BNC2: variants seen among roughly 807,000 people sequenced by gnomAD.
BNC2 encodes the protein zinc finger protein basonuclin-2.
BNC2 carries 20 observed loss-of-function variants against 76.3 expected under a neutral mutation model. The ratio of observed to expected loss-of-function variants is 0.26; its 90% CI spans 0.18 to 0.38. The LOEUF (loss-of-function observed/expected upper bound fraction) is 0.38, where lower values mean the gene tolerates loss of function less well. Ranked by LOEUF, BNC2 falls within the 10% of genes least tolerant of loss-of-function variation. The pLI is 1.00. For missense variants in BNC2, 1,382 were observed against 1,399.8 expected (o/e 0.99, Z 0.20); for synonymous variants, 582 against 514.8 (o/e 1.13, Z -1.77).
At chr9:16,427,668 G>C (rs1820828064) in intron 6 of BNC2, among the ~76,000 whole-genome samples, 1 of 152,122 alleles carries the variant, frequency 6.6e-6, no homozygotes, top group Non-Finnish European at 1.5e-5. Flanking sequence ...GGAGAGTGTT[G>C]GGTTCAAAAT....
intron 1 of BNC2, among the ~76,000 whole-genome samples, chr9:16,823,499 A>G (rs1288277030): frequency 6.6e-6 from 1 of 151,632 alleles, no homozygotes; most frequent in East Asian, 1.9e-4. Context: ...GCTACCTGAG[A>G]GGCTGAGATA....
At chr9:16,714,664 G>A (rs1823947200) in intron 3 of BNC2, among the ~76,000 whole-genome samples, 1 of 152,138 alleles carries the variant, frequency 6.6e-6, no homozygotes, top group South Asian at 2.1e-4. Flanking sequence ...TTCTGACACT[G>A]TTCAGTGATG....
chr9:16,866,411 A>G (rs1400787565), intron 1 of BNC2, among the ~76,000 whole-genome samples: 1 of 151,944 alleles, frequency 6.6e-6, no homozygotes, highest in Non-Finnish European at 1.5e-5. Flanking sequence ...AACTAAAAGA[A>G]GTTAACCCAC....
Position 16,582,892 on chromosome 9 carries a change from G to GACACACACACAC in BNC2, c.433+79_433+90dup, listed in dbSNP as rs149223772. 476 of 627,028 alleles carry GACACACACACAC rather than the reference G, an allele frequency of 7.6e-4. 2 individuals are homozygous for GACACACACACAC. Among genetic ancestry groups the GACACACACACAC allele is most frequent in the African/African-American group, 1.3e-3 (63 of 49,248 alleles). 38.8% of individuals were successfully genotyped at this position (627,028 alleles called of 1,614,324 possible). ...TCCAGGCCAGTGACTCCTCTAAACA[G>GACACACACACAC]ACACACACACACACACACACACACA... On this transcript the variant is annotated intron_variant, in intron 4 of 6. Transcript: ENST00000380672.
At chr9:16,811,292 T>C (rs1464548523) in intron 1 of BNC2, among the ~76,000 whole-genome samples, 3 of 148,630 alleles carry the variant, frequency 2.0e-5, no homozygotes, top group Non-Finnish European at 4.4e-5. Flanking sequence ...GGCTCACGCC[T>C]GTAATCCCAG....
At chr9:16,748,518 A>T (rs1342404373) in intron 1 of BNC2, among the ~76,000 whole-genome samples, 1 of 151,612 alleles carries the variant, frequency 6.6e-6, no homozygotes, top group East Asian at 1.9e-4. Context: ...TGTCTTAAAC[A>T]TTTAAAAAGA....
At chr9:16,732,412 T>A (rs1824538080) in intron 2 of BNC2, among the ~76,000 whole-genome samples, 2 of 152,202 alleles carry the variant, frequency 1.3e-5, no homozygotes, top group South Asian at 4.1e-4. Flanking sequence ...TATGTAAATA[T>A]ATATGATTTT....
At chr9:16,674,732 T>C (rs1039537439) in intron 3 of BNC2, among the ~76,000 whole-genome samples, 2 of 152,186 alleles carry the variant, frequency 1.3e-5, no homozygotes, top group African/African-American at 4.8e-5. Flanking sequence ...GTAAACATAG[T>C]ACCATACCCA....
At chr9:16,479,736 A>G (rs2131492603) in intron 5 of BNC2, among the ~76,000 whole-genome samples, 1 of 152,224 alleles carries the variant, frequency 6.6e-6, no homozygotes, top group East Asian at 1.9e-4. Context: ...TGCTTAAGTT[A>G]GGCTAATATA....
intron 2 of BNC2, among the ~76,000 whole-genome samples, chr9:16,734,013 A>C (rs1824589056): frequency 6.6e-6 from 1 of 152,236 alleles, no homozygotes; most frequent in Admixed American, 6.5e-5. Flanking sequence ...AGTGTTCCAC[A>C]GCAGTAAAGT....
chr9:16,434,126 T>C (rs1356331945), intron 6 of BNC2, among the ~76,000 whole-genome samples: 1 of 152,084 alleles, frequency 6.6e-6, no homozygotes, highest in Non-Finnish European at 1.5e-5. Flanking sequence ...AAAAAAATGG[T>C]TTCTCCTCAA....
intron 5 of BNC2, among the ~76,000 whole-genome samples, chr9:16,444,652 T>C (rs1255937297): frequency 6.6e-6 from 1 of 152,118 alleles, no homozygotes; most frequent in Non-Finnish European, 1.5e-5. Context: ...CACATGTGGG[T>C]TGGAAAGAGG....
At chr9:16,746,365 T>C (rs1362850181) in intron 1 of BNC2, among the ~76,000 whole-genome samples, 1 of 151,980 alleles carries the variant, frequency 6.6e-6, no homozygotes, top group East Asian at 2.0e-4. Context: ...TTTTTGTTTT[T>C]TGTTTGTTTG....
intron 1 of BNC2, among the ~76,000 whole-genome samples, chr9:16,776,285 A>T (rs4961758): frequency 0.24 from 36,000 of 151,822 alleles, 5,296 homozygotes; most frequent in East Asian, 0.62. Flanking sequence ...GGATTACAGG[A>T]GCCCACCACC....
intron 1 of BNC2, among the ~76,000 whole-genome samples, chr9:16,836,507 C>T (rs571363739): frequency 2.0e-5 from 3 of 150,636 alleles, no homozygotes; most frequent in Admixed American, 6.7e-5. Flanking sequence ...CCCAGCTCTT[C>T]CTTTCAGGAG....
intron 1 of BNC2, among the ~76,000 whole-genome samples, chr9:16,805,904 A>G (rs1439757875): frequency 6.6e-6 from 1 of 152,192 alleles, no homozygotes; most frequent in East Asian, 1.9e-4. Flanking sequence ...CTATATTGGT[A>G]ACTGATTACA....
intron 3 of BNC2, among the ~76,000 whole-genome samples, chr9:16,699,863 T>C (rs375773366): frequency 1.3e-5 from 2 of 152,348 alleles, no homozygotes; most frequent in East Asian, 3.9e-4. Flanking sequence ...AATAAAGAGC[T>C]ACATAAATTC....
At chr9:16,855,075 A>C (rs1428114512) in intron 1 of BNC2, among the ~76,000 whole-genome samples, 2 of 152,018 alleles carry the variant, frequency 1.3e-5, no homozygotes, top group African/African-American at 4.8e-5. Context: ...AATCATTTCA[A>C]TATGAGTACA....
intron 3 of BNC2, among the ~76,000 whole-genome samples, chr9:16,635,537 A>G (rs771067827): frequency 1.3e-5 from 2 of 152,226 alleles, no homozygotes; most frequent in Non-Finnish European, 2.9e-5. Flanking sequence ...TTTACAAGAA[A>G]AAGCTATTTT....
Sources: gnomAD v4.1 joint callset for allele counts (sites outside exome capture counted in the v4.1 genomes callset) on GRCh38, gnomAD v4.1.1 for gene constraint, MANE v1.5 for transcripts, NCBI Gene and HGNC (gene_info 2026-07-23, HGNC 2026-07-21) for gene names.